Variants in DLG2 observed in about 807,000 individuals in gnomAD.
DLG2 encodes disks large homolog 2.
In DLG2, 45 loss-of-function variants were observed where a neutral mutation model predicts 132.5. The ratio of observed to expected loss-of-function variants is 0.34; its 90% CI spans 0.27 to 0.44. The LOEUF is 0.44. Ranked by LOEUF, DLG2 falls within the 20% of genes least tolerant of loss-of-function variation. The probability of loss-of-function intolerance (pLI) is 1.00; values close to 1 mark genes in which losing one functional copy is unlikely to be tolerated. For synonymous variants in DLG2, 424 were observed against 419.6 expected, an observed-to-expected ratio of 1.01 and a Z score of -0.13; for missense variants, 1,045 against 1,196.9, an observed-to-expected ratio of 0.87 and a Z score of 1.87.
chr11:84,047,473 T>C (rs565251135), intron 11 of DLG2, among the ~76,000 whole-genome samples: 1 of 151,712 alleles, frequency 6.6e-6, no homozygotes, highest in African/African-American at 2.4e-5. Flanking sequence ...AAATTTATAG[T>C]TGTATTTACC....
At chr11:84,197,230 C>A (rs919014037) in intron 8 of DLG2, among the ~76,000 whole-genome samples, 1 of 151,996 alleles carries the variant, frequency 6.6e-6, no homozygotes, top group Non-Finnish European at 1.5e-5. Flanking sequence ...ATCTCTAGGT[C>A]CACATACCTA....
intron 6 of DLG2, among the ~76,000 whole-genome samples, chr11:85,099,299 A>T (rs1323926299): frequency 1.3e-5 from 2 of 152,162 alleles, no homozygotes; most frequent in Admixed American, 1.3e-4. Context: ...TAATGAGGTG[A>T]GTCTGAGCAT....
chr11:85,017,950 G>A (rs1417738110), intron 6 of DLG2, among the ~76,000 whole-genome samples: 5 of 152,116 alleles, frequency 3.3e-5, no homozygotes, highest in South Asian at 2.1e-4. Flanking sequence ...TAAGGAACAC[G>A]GGGCCTTCAT....
chr11:83,623,603 T>G (rs934294565), intron 19 of DLG2, among the ~76,000 whole-genome samples: 1 of 152,220 alleles, frequency 6.6e-6, no homozygotes. Flanking sequence ...CAGAGGAGCA[T>G]GTGCTTGACT....
intron 6 of DLG2, among the ~76,000 whole-genome samples, chr11:85,053,847 G>A (rs531978911): frequency 2.2e-4 from 33 of 149,986 alleles, no homozygotes; most frequent in African/African-American, 7.3e-4. Context: ...AAGTCCTCAT[G>A]GCCTAAAGTG....
intron 11 of DLG2, among the ~76,000 whole-genome samples, chr11:83,990,734 A>G (rs1283915933): frequency 6.6e-6 from 1 of 152,154 alleles, no homozygotes; most frequent in Non-Finnish European, 1.5e-5. Flanking sequence ...TTCTTAGGAG[A>G]GAGCTCTGGG....
intron 21 of DLG2, among the ~76,000 whole-genome samples, chr11:83,491,369 C>CA (rs768932116): frequency 1.4e-4 from 21 of 151,884 alleles, no homozygotes; most frequent in Admixed American, 8.5e-4. Context: ...CTTTTGATCT[C>CA]AAAAAATGAA....
At chr11:85,281,084 C>T (rs920946851) in intron 4 of DLG2, among the ~76,000 whole-genome samples, 1 of 151,924 alleles carries the variant, frequency 6.6e-6, no homozygotes, top group Non-Finnish European at 1.5e-5. Flanking sequence ...AGGTGAGCAG[C>T]TAGAATTCTA....
At chr11:83,831,829 C>A (rs116142946) in intron 17 of DLG2, among the ~76,000 whole-genome samples, 2,364 of 151,994 alleles carry the variant, frequency 0.016, 78 homozygotes, top group African/African-American at 0.054. Flanking sequence ...ATGGATTTAC[C>A]CTATCATACT....
At chr11:84,295,508 T>C (rs2098078339) in intron 7 of DLG2, among the ~76,000 whole-genome samples, 1 of 152,204 alleles carries the variant, frequency 6.6e-6, no homozygotes. Flanking sequence ...GTCTCATCAT[T>C]CTTCTGAGCA....
intron 7 of DLG2, among the ~76,000 whole-genome samples, chr11:84,520,470 C>A (rs2099293281): frequency 6.6e-6 from 1 of 152,158 alleles, no homozygotes; most frequent in South Asian, 2.1e-4. Context: ...ATTGTCATCT[C>A]TTTGTTCTTG....
chr11:83,730,838 A>T (rs1415458539), intron 18 of DLG2, among the ~76,000 whole-genome samples: 1 of 152,204 alleles, frequency 6.6e-6, no homozygotes, highest in Non-Finnish European at 1.5e-5. Flanking sequence ...GTTGTCGCCC[A>T]TGTGTATATG....
At chr11:85,080,087 T>C (rs543821868) in intron 6 of DLG2, among the ~76,000 whole-genome samples, 1 of 152,238 alleles carries the variant, frequency 6.6e-6, no homozygotes, top group Non-Finnish European at 1.5e-5. Context: ...ATTTGAAGAA[T>C]TTCAACTAAT....
At chr11:83,590,538 G>C (rs1377380310) in intron 19 of DLG2, among the ~76,000 whole-genome samples, 1 of 151,718 alleles carries the variant, frequency 6.6e-6, no homozygotes, top group Non-Finnish European at 1.5e-5. Context: ...AGAGAAAGCA[G>C]GAAAGATCCA....
At chr11:84,557,882 G>T (rs751285337) in intron 6 of DLG2, among the ~76,000 whole-genome samples, 1 of 151,930 alleles carries the variant, frequency 6.6e-6, no homozygotes, top group Non-Finnish European at 1.5e-5. Context: ...TTTCTCCAAT[G>T]ATCTTACTAC....
At chr11:83,667,254 CT>C (rs2075794974) in intron 18 of DLG2, among the ~76,000 whole-genome samples, 1 of 152,050 alleles carries the variant, frequency 6.6e-6, no homozygotes, top group Non-Finnish European at 1.5e-5. Context: ...TTCATTTGCC[CT>C]TTGAAATGGA....
chr11:85,154,584 A>G lies in DLG2; in HGVS notation c.254T>C (p.Phe85Ser). 1 of 1,530,986 alleles carries G rather than the reference A, an allele frequency of 6.5e-7. No individual in the cohort carries two copies. Among genetic ancestry groups the G allele is most frequent in the Non-Finnish European group, 8.9e-7 (1 of 1,129,176 alleles). The allele number at this position is 1,530,986 out of a possible 1,614,324, so 94.8% of individuals were successfully genotyped here. Reference sequence around the variant, plus strand: ...TGTCGTCTCATCAGTTTCATTTTCAAAACTCTGATTTTCTTTATTTTGCTC... The same window carrying G: ...TGTCGTCTCATCAGTTTCATTTTCAGAACTCTGATTTTCTTTATTTTGCTC... ...CIEQNKENQSFENETDETTTQ... is the reference protein window; with the variant it reads ...CIEQNKENQSSENETDETTTQ... Residue 85 changes from phenylalanine to serine, a missense_variant, in exon 5 of 28, where the codon TTT (phenylalanine) becomes TCT (serine). Coordinates refer to ENST00000376104, the MANE Select transcript of DLG2 (RefSeq NM_001142699.3).
intron 16 of DLG2, among the ~76,000 whole-genome samples, chr11:83,864,597 C>T (rs1458294767): frequency 1.1e-4 from 17 of 152,090 alleles, no homozygotes; most frequent in African/African-American, 1.4e-4. Context: ...AAGCATACTT[C>T]GGTGGAATAA....
At position 84,749,573 on chromosome 11, in the gene DLG2, G is replaced by T. The variant is rs151199645; in HGVS notation, c.358-214842C>A. On this transcript the variant is annotated intron_variant, in intron 6 of 27. Transcript: ENST00000376104. ...GTCAAGGAGCAGTGGGTCATACCAT[G>T]TAGCCTAGGTATATTGCAGGCTACA... Among the ~76,000 whole-genome samples the T allele has an allele frequency of 5.7e-3, 866 of 152,240 alleles. 5 individuals carry two copies. Among genetic ancestry groups the T allele is most frequent in the South Asian group, 0.02 (95 of 4,822 alleles).
Sources: gnomAD v4.1 joint callset for allele counts (sites outside exome capture counted in the v4.1 genomes callset) on GRCh38, gnomAD v4.1.1 for gene constraint, MANE v1.5 for transcripts, NCBI Gene and HGNC (gene_info 2026-07-23, HGNC 2026-07-21) for gene names.